SLIT3: variants seen among roughly 807,000 people sequenced by gnomAD.
SLIT3 encodes the protein slit homolog 3 protein.
In SLIT3, 68 loss-of-function variants were observed where a neutral mutation model predicts 184.0. The observed-to-expected ratio is 0.37, with a 90% CI of 0.30 to 0.45. SLIT3 has a LOEUF of 0.45. Ranked by LOEUF, SLIT3 falls within the 20% of genes least tolerant of loss-of-function variation. SLIT3 has a pLI of 1.00. For missense variants in SLIT3, 1,707 were observed against 2,026.0 expected (o/e 0.84, Z 3.02); for synonymous variants, 831 against 828.6 (o/e 1.00, Z -0.05).
intron 4 of SLIT3, among the ~76,000 whole-genome samples, chr5:168,939,321 G>A (rs1393477154): frequency 6.6e-6 from 1 of 152,166 alleles, no homozygotes; most frequent in Non-Finnish European, 1.5e-5. Context: ...CACGTAATAG[G>A]GAAGAGCACG....
rs540181955 is a variant in SLIT3, at chr5:168,673,546, C to T, written c.3687-215G>A. On this transcript the variant is annotated intron_variant, in intron 32 of 35. Coordinates refer to ENST00000519560, the MANE Select transcript of SLIT3 (RefSeq NM_003062.4). ...TACTCCAATGTGCTTATGGTTTTCT[C>T]TGTGCATTTTATGTATACACACACA... 3.9e-5 allele frequency among the ~76,000 whole-genome samples: 6 copies of T among 152,358 alleles called. No homozygotes were observed. The East Asian group carries it at 9.6e-4, about 24-fold the overall frequency.
intron 3 of SLIT3, among the ~76,000 whole-genome samples, chr5:169,226,019 C>T (rs1233245151): frequency 2.0e-5 from 3 of 152,154 alleles, no homozygotes; most frequent in Admixed American, 1.3e-4. Flanking sequence ...ATGAGATCAG[C>T]ACAGTGGATA....
intron 4 of SLIT3, among the ~76,000 whole-genome samples, chr5:169,041,076 C>A (rs1288104545): frequency 6.6e-6 from 1 of 152,186 alleles, no homozygotes; most frequent in East Asian, 1.9e-4. Context: ...TCCATGATTC[C>A]TAGTATCATA....
intron 1 of SLIT3, among the ~76,000 whole-genome samples, chr5:169,286,351 TG>T (rs61474855): frequency 0.069 from 10,465 of 152,234 alleles, 1,205 homozygotes; most frequent in African/African-American, 0.24. Flanking sequence ...GAAGGCTTAC[TG>T]TGGAGCTGAG....
intron 9 of SLIT3, among the ~76,000 whole-genome samples, chr5:168,805,479 C>A (rs911803419): frequency 1.3e-5 from 2 of 152,070 alleles, no homozygotes; most frequent in African/African-American, 4.8e-5. Context: ...ATCAAGCCAA[C>A]TAAAGGTGAA....
At chr5:168,832,044 G>A (rs1757898879) in intron 6 of SLIT3, among the ~76,000 whole-genome samples, 2 of 152,210 alleles carry the variant, frequency 1.3e-5, no homozygotes, top group Admixed American at 1.3e-4. Context: ...GATGATCACA[G>A]ATACTGCCTA....
intron 4 of SLIT3, among the ~76,000 whole-genome samples, chr5:168,974,546 C>T (rs1379681103): frequency 6.6e-6 from 1 of 152,116 alleles, no homozygotes; most frequent in African/African-American, 2.4e-5. Context: ...GGCTTTAGAT[C>T]CAAAGGCCTG....
intron 4 of SLIT3, among the ~76,000 whole-genome samples, chr5:169,145,718 C>G (rs1214149639): frequency 6.6e-6 from 1 of 152,166 alleles, no homozygotes; most frequent in African/African-American, 2.4e-5. Flanking sequence ...AGTCTCAAAG[C>G]TGAAGATGAT....
Position 168,856,713 on chromosome 5 carries a change from G to A in SLIT3, c.486-12058C>T, listed in dbSNP as rs1001491421. 3.3e-5 allele frequency among the ~76,000 whole-genome samples: 5 copies of A among 151,504 alleles called. No individual in the cohort carries two copies. The East Asian group carries it at 5.9e-4, about 18-fold the overall frequency. On this transcript the variant is annotated intron_variant, in intron 5 of 35. Transcript: ENST00000519560. Reference sequence around the variant, plus strand: ...TCCTCCTTTTGCATCAGTAGCCAGCGCAGATATCTCAGTAGATTGCATTTG... The same window carrying A: ...TCCTCCTTTTGCATCAGTAGCCAGCACAGATATCTCAGTAGATTGCATTTG...
chr5:168,668,118 C>T (rs1468274616), intron 35 of SLIT3, among the ~76,000 whole-genome samples: 1 of 152,158 alleles, frequency 6.6e-6, no homozygotes, highest in Non-Finnish European at 1.5e-5. Flanking sequence ...CAAGACTTCT[C>T]AGTGTCCATG....
chr5:168,766,441 G>C (rs1755348331), intron 14 of SLIT3, among the ~76,000 whole-genome samples: 1 of 152,244 alleles, frequency 6.6e-6, no homozygotes, highest in Non-Finnish European at 1.5e-5. Flanking sequence ...TCATGGGCAA[G>C]GCTGGGGGAC....
intron 7 of SLIT3, 61 bp downstream of exon 7, chr5:168,823,195 AGAGT>A (rs1285264958): frequency 1.7e-6 from 2 of 1,202,716 alleles, no homozygotes; most frequent in African/African-American, 3.0e-5. Context: ...CAAGCAGCGT[AGAGT>A]GCTGCACTTT....
At chr5:168,898,393 A>G (rs936343301) in intron 4 of SLIT3, among the ~76,000 whole-genome samples, 1 of 99,166 alleles carries the variant, frequency 1.0e-5, no homozygotes, top group African/African-American at 3.2e-5. Context: ...TTATGGAGGG[A>G]GACTTTTTTT....
intron 14 of SLIT3, among the ~76,000 whole-genome samples, chr5:168,767,098 C>T (rs1428847175): frequency 6.6e-6 from 1 of 152,158 alleles, no homozygotes; most frequent in Non-Finnish European, 1.5e-5. Flanking sequence ...ATTTTGTGAA[C>T]ATTAAACAAG....
chr5:169,036,907 G>T (rs1757274286), intron 4 of SLIT3, among the ~76,000 whole-genome samples: 1 of 152,132 alleles, frequency 6.6e-6, no homozygotes. Flanking sequence ...TTCACAAATG[G>T]CAAAGAGCTG....
chr5:168,729,149 A>C (rs1217465090), intron 20 of SLIT3, among the ~76,000 whole-genome samples: 1 of 152,142 alleles, frequency 6.6e-6, no homozygotes, highest in Non-Finnish European at 1.5e-5. Flanking sequence ...GAGAGTACAT[A>C]AAGTGACCAA....
chr5:168,999,619 G>A (rs1755634763), intron 4 of SLIT3, among the ~76,000 whole-genome samples: 1 of 152,208 alleles, frequency 6.6e-6, no homozygotes, highest in Non-Finnish European at 1.5e-5. Context: ...GCTTCCTAGT[G>A]CTGCCTCCCA....
intron 1 of SLIT3, among the ~76,000 whole-genome samples, chr5:169,292,361 G>A (rs1767385954): frequency 6.6e-6 from 1 of 152,164 alleles, no homozygotes; most frequent in African/African-American, 2.4e-5. Flanking sequence ...TGAAGCTAAA[G>A]TCATTATGGA....
At chr5:169,252,834 T>C (rs1765821577) in intron 1 of SLIT3, among the ~76,000 whole-genome samples, 1 of 152,192 alleles carries the variant, frequency 6.6e-6, no homozygotes, top group Non-Finnish European at 1.5e-5. Flanking sequence ...AGGAAAGGCA[T>C]TTTCAGATTC....
Sources: gnomAD v4.1 joint callset for allele counts (sites outside exome capture counted in the v4.1 genomes callset) on GRCh38, gnomAD v4.1.1 for gene constraint, MANE v1.5 for transcripts, NCBI Gene and HGNC (gene_info 2026-07-23, HGNC 2026-07-21) for gene names.